Variants in ELL2 observed in about 807,000 individuals in gnomAD.
ELL2 encodes the protein RNA polymerase II elongation factor ELL2.
Under a neutral mutation model 72.8 loss-of-function variants are expected in ELL2, and 21 were observed. The ratio of observed to expected loss-of-function variants is 0.29; its 90% CI spans 0.20 to 0.42. The LOEUF (loss-of-function observed/expected upper bound fraction) is 0.42, where lower values mean the gene tolerates loss of function less well. ELL2 is among the 10% of genes least tolerant of loss of function. The probability of loss-of-function intolerance (pLI) is 1.00; values close to 1 mark genes in which losing one functional copy is unlikely to be tolerated. For missense variants in ELL2, 568 were observed against 772.8 expected, an observed-to-expected ratio of 0.73 and a Z score of 3.14; for synonymous variants, 266 against 283.2, an observed-to-expected ratio of 0.94 and a Z score of 0.61.
rs141243576 is a variant in ELL2, at chr5:95,940,974, G to T, written c.195+2028C>A. Among the ~76,000 whole-genome samples, 662 of 152,198 alleles carry T rather than the reference G, an allele frequency of 4.3e-3. 5 individuals are homozygous for T. The highest frequency in any genetic ancestry group is 0.015 in the African/African-American group (637 of 41,508). ...TGGGGAGAGCTCTGCAAAAAGAAGG[G>T]GGGGAGGGGTGGATGGAATGCAGCT... On this transcript the variant is annotated intron_variant, in intron 2 of 11. Transcript: ENST00000237853.
chr5:95,909,247 C>T (rs1749490221), intron 4 of ELL2, among the ~76,000 whole-genome samples: 1 of 152,200 alleles, frequency 6.6e-6, no homozygotes, highest in African/African-American at 2.4e-5. Context: ...GCTAGACTGT[C>T]ATCTCCCCAT....
chr5:95,937,560 A>T (rs1750823594), intron 2 of ELL2, among the ~76,000 whole-genome samples: 1 of 152,032 alleles, frequency 6.6e-6, no homozygotes, highest in South Asian at 2.1e-4. Context: ...AAAAACTAAA[A>T]TTTTTTTAAC....
chr5:95,921,120 C>A (rs182782998), intron 2 of ELL2, among the ~76,000 whole-genome samples: 22 of 152,094 alleles, frequency 1.4e-4, no homozygotes, highest in Non-Finnish European at 2.2e-4. Context: ...TTCCTCCCAA[C>A]CCTGGAAAAA....
At chr5:95,933,810 C>A (rs1389416265) in intron 2 of ELL2, among the ~76,000 whole-genome samples, 1 of 149,804 alleles carries the variant, frequency 6.7e-6, no homozygotes, top group Non-Finnish European at 1.5e-5. Context: ...TTTTTTTTTA[C>A]AGAATCAGAA....
chr5:95,919,612 G>T, intron 2 of ELL2, 67 bp from the exon 3 acceptor site: 1 of 1,473,802 alleles, frequency 6.8e-7, no homozygotes, highest in South Asian at 1.5e-5. Flanking sequence ...TCTTAAGACT[G>T]ACTTACTGGT....
chr5:95,912,790 A>G (rs1244871788), intron 4 of ELL2, among the ~76,000 whole-genome samples: 2 of 152,250 alleles, frequency 1.3e-5, no homozygotes, highest in Non-Finnish European at 2.9e-5. Flanking sequence ...TATTAAAGAC[A>G]CTAGTGGAGC....
chr5:95,951,360 C>T (rs1243888485), intron 1 of ELL2, among the ~76,000 whole-genome samples: 1 of 149,774 alleles, frequency 6.7e-6, no homozygotes, highest in Non-Finnish European at 1.5e-5. Context: ...CAGAGCGAGA[C>T]TCCGTCTCAA....
intron 4 of ELL2, 154 bp downstream of exon 4, chr5:95,913,617 G>T: frequency 1.3e-6 from 1 of 790,264 alleles, no homozygotes; most frequent in Non-Finnish European, 1.9e-6. Context: ...AGTCTGAAGA[G>T]AACAAATAAC....
At position 95,885,633 on chromosome 5, in the gene ELL2, C is replaced by T. The variant is rs1043381; in HGVS notation, c.*3238G>A. 53,813 of 152,130 alleles carry T rather than the reference C, an allele frequency of 0.35. 10,376 individuals carry two copies. The highest frequency in any genetic ancestry group is 0.52 in the African/African-American group (21,585 of 41,490). The allele number at this position is 152,130 out of a possible 1,614,324, so 9.4% of individuals were successfully genotyped here. A position where few individuals can be genotyped will look rare whatever the true frequency, so the allele number is the denominator to read the frequency against. ...GCAGAGTGTCTGAATTGATGGACCA[C>T]TTTTGTCTAAAACTAATTTCAACAT... On this transcript the variant is annotated 3_prime_UTR_variant, in exon 12 of 12. Transcript: ENST00000237853.
At chr5:95,915,080 T>A (rs1749735082) in intron 3 of ELL2, among the ~76,000 whole-genome samples, 1 of 152,204 alleles carries the variant, frequency 6.6e-6, no homozygotes, top group African/African-American at 2.4e-5. Flanking sequence ...TAGAAGTAAC[T>A]TTGTTATAAT....
At position 95,961,772 on chromosome 5, in the gene ELL2, A is replaced by G; in HGVS notation, c.-51T>C. 2.0e-6 allele frequency: 3 copies of G among 1,518,886 alleles called. No individual in the cohort carries two copies. Among genetic ancestry groups the G allele is most frequent in the Non-Finnish European group, 2.6e-6 (3 of 1,137,726 alleles). 94.1% of individuals were successfully genotyped at this position (1,518,886 alleles called of 1,614,324 possible). A position where few individuals can be genotyped will look rare whatever the true frequency, so the allele number is the denominator to read the frequency against. ...CGCCGCCGCTCCGGCTCTAGCCTCC[A>G]CTGCGGCCGCGGCTGCTTGGGCTTC... On this transcript the variant is annotated 5_prime_UTR_variant, in exon 1 of 12. Transcript: ENST00000237853.
At chr5:95,924,597 T>C (rs1750219148) in intron 2 of ELL2, among the ~76,000 whole-genome samples, 1 of 152,212 alleles carries the variant, frequency 6.6e-6, no homozygotes, top group African/African-American at 2.4e-5. Context: ...TCCAAACAGT[T>C]TCTTGTTCAA....
At chr5:95,928,222 A>G (rs970730806) in intron 2 of ELL2, among the ~76,000 whole-genome samples, 4 of 152,174 alleles carry the variant, frequency 2.6e-5, no homozygotes, top group Admixed American at 1.3e-4. Context: ...GCAAAGTTGA[A>G]CCAAGTGCCA....
At chr5:95,889,259 T>C in intron 10 of ELL2, 129 bp from the exon 11 acceptor site, 1 of 764,088 alleles carries the variant, frequency 1.3e-6, no homozygotes, top group Non-Finnish European at 2.1e-6. Context: ...AAACAATCTT[T>C]ATGGAAGGCA....
chr5:95,916,744 A>C (rs1306220422), intron 3 of ELL2, among the ~76,000 whole-genome samples: 1 of 124,030 alleles, frequency 8.1e-6, no homozygotes, highest in Non-Finnish European at 1.6e-5. Context: ...TTTGCATGCC[A>C]AAGGAAAAAA....
At position 95,927,396 on chromosome 5, in the gene ELL2, G is replaced by GAC. The variant is rs1379966121; in HGVS notation, c.196-7853_196-7852dup. Reference sequence around the variant, plus strand: ...ACACACACACACGTGTGTATATATAGACATACACACACGTGTGTATATAGA... The same window carrying GAC: ...ACACACACACACGTGTGTATATATAGACACATACACACACGTGTGTATATAGA... On this transcript the variant is annotated intron_variant, in intron 2 of 11. Coordinates refer to ENST00000237853, the MANE Select transcript of ELL2 (RefSeq NM_012081.6). Among the ~76,000 whole-genome samples, 88 of 29,398 alleles carry GAC rather than the reference G, an allele frequency of 3.0e-3. 16 individuals carry two copies. The highest frequency in any genetic ancestry group is 0.017 in the East Asian group (5 of 298). The allele number at this position is 29,398 out of a possible 152,430, so 19.3% of individuals were successfully genotyped here. A position where few individuals can be genotyped will look rare whatever the true frequency, so the allele number is the denominator to read the frequency against.
At chr5:95,909,005 A>G (rs1580494147) in intron 4 of ELL2, among the ~76,000 whole-genome samples, 1 of 152,272 alleles carries the variant, frequency 6.6e-6, no homozygotes, top group South Asian at 2.1e-4. Flanking sequence ...CAGTACTGCC[A>G]CTGTTTTCAG....
chr5:95,919,581 T>C (rs368663745), intron 2 of ELL2, 36 bp from the exon 3 acceptor site: 1 of 1,530,370 alleles, frequency 6.5e-7, no homozygotes, highest in Non-Finnish European at 8.7e-7. Flanking sequence ...CGCCTCAAAT[T>C]ATAAATTTGC....
At chr5:95,910,281 G>A (rs56388049) in intron 4 of ELL2, among the ~76,000 whole-genome samples, 3,326 of 152,114 alleles carry the variant, frequency 0.022, 60 homozygotes, top group Middle Eastern at 0.041. Flanking sequence ...GGGTGGGCTG[G>A]AAGTTGGAAA....
Sources: allele counts gnomAD v4.1 joint callset (sites outside exome capture counted in the v4.1 genomes callset), GRCh38; gene constraint gnomAD v4.1.1; transcripts MANE v1.5; gene names NCBI Gene and HGNC (gene_info 2026-07-23, HGNC 2026-07-21).